The following EIF1B variants were observed in gnomAD, a reference collection of about 807,000 sequenced individuals.
The protein encoded by EIF1B is eukaryotic translation initiation factor 1B.
In EIF1B, 5 loss-of-function variants were observed where a neutral mutation model predicts 14.8. That is an observed-to-expected ratio of 0.34 (90% CI 0.18 to 0.71). EIF1B has a LOEUF of 0.71. Ranked by LOEUF, EIF1B falls within the 30% of genes least tolerant of loss-of-function variation. The probability of loss-of-function intolerance (pLI) is 0.64; values close to 1 mark genes in which losing one functional copy is unlikely to be tolerated. For synonymous variants in EIF1B, 45 were observed against 45.8 expected (o/e 0.98, Z 0.07); for missense variants, 56 against 134.0 (o/e 0.42, Z 2.87).
At position 40,312,170 on chromosome 3, in the gene EIF1B, G is replaced by T; in HGVS notation, c.*156G>T. ...TCTGCATGATTACAGAAAACATGGG[G>T]TATGTAGACTAGTAACACATAAGAA... On this transcript the variant is annotated 3_prime_UTR_variant, in exon 4 of 4. Transcript: ENST00000232905. 1 of 621,498 alleles carries T rather than the reference G, an allele frequency of 1.6e-6. No individual in the cohort carries two copies. 38.5% of individuals were successfully genotyped at this position (621,498 alleles called of 1,614,324 possible). A position where few individuals can be genotyped will look rare whatever the true frequency, so the allele number is the denominator to read the frequency against.
At position 40,309,827 on chromosome 3, in the gene EIF1B, G is replaced by A. The variant is rs2125569215; in HGVS notation, c.-115G>A. ...CACTCCAGCCTAATCCCAACCCCAG[G>A]GCGAAGCGTTTTCTTATTTATTTCC... is the stretch of plus-strand genomic sequence containing the variant. On this transcript the variant is annotated 5_prime_UTR_variant, in exon 1 of 4. Transcript: ENST00000232905. The A allele has an allele frequency of 2.3e-6, 3 of 1,319,148 alleles. No homozygotes were observed. The highest frequency in any genetic ancestry group is 2.3e-5 in the East Asian group (1 of 43,076). 81.7% of individuals were successfully genotyped at this position (1,319,148 alleles called of 1,614,324 possible).
At position 40,309,834 on chromosome 3, in the gene EIF1B, C is replaced by G. The variant is rs547490199; in HGVS notation, c.-108C>G. On this transcript the variant is annotated 5_prime_UTR_variant, in exon 1 of 4. Coordinates refer to ENST00000232905, the MANE Select transcript of EIF1B (RefSeq NM_005875.3). ...GCCTAATCCCAACCCCAGGGCGAAG[C>G]GTTTTCTTATTTATTTCCGTTTTCT... is the stretch of plus-strand genomic sequence containing the variant. The G allele has an allele frequency of 2.6e-5, 35 of 1,357,042 alleles. No homozygotes were observed. In the East Asian group the frequency reaches 7.9e-4, roughly 30 times the overall value. The allele number at this position is 1,357,042 out of a possible 1,614,324, so 84.1% of individuals were successfully genotyped here. A position where few individuals can be genotyped will look rare whatever the true frequency, so the allele number is the denominator to read the frequency against.
At position 40,312,399 on chromosome 3, in the gene EIF1B, T is replaced by C; in HGVS notation, c.*385T>C. ...AATTATGCTCCCAAATCTAAGCAAGTAAAATACACATTTTGTCTTTCTTAA... is the reference window on the plus strand; with the variant it reads ...AATTATGCTCCCAAATCTAAGCAAGCAAAATACACATTTTGTCTTTCTTAA... On this transcript the variant is annotated 3_prime_UTR_variant, in exon 4 of 4. Coordinates refer to ENST00000232905, the MANE Select transcript of EIF1B (RefSeq NM_005875.3). 1 of 180,384 alleles carries C rather than the reference T, an allele frequency of 5.5e-6. No homozygotes were observed. Among genetic ancestry groups the C allele is most frequent in the Non-Finnish European group, 1.1e-5 (1 of 87,152 alleles). 11.2% of individuals were successfully genotyped at this position (180,384 alleles called of 1,614,324 possible).
chr3:40,311,647 T>C, intron 3 of EIF1B, 76 bp downstream of exon 3: 1 of 1,193,512 alleles, frequency 8.4e-7, no homozygotes, highest in Non-Finnish European at 1.2e-6. Context: ...TGATTTGTTT[T>C]CTACTAAGTA....
At chr3:40,311,082 A>G in intron 2 of EIF1B, 26 bp downstream of exon 2, 1 of 1,609,344 alleles carries the variant, frequency 6.2e-7, no homozygotes, top group Non-Finnish European at 8.5e-7. Context: ...AGAAAGGATT[A>G]GAGTTACTGA....
intron 1 of EIF1B, 70 bp downstream of exon 1, chr3:40,310,042 C>T: frequency 6.3e-7 from 1 of 1,598,090 alleles, no homozygotes; most frequent in Non-Finnish European, 8.6e-7. Context: ...CGCCTGGCCA[C>T]CGCCCCTAGG....
chr3:40,309,997 C>A (rs1310073010), intron 1 of EIF1B, 25 bp downstream of exon 1: 1 of 1,613,170 alleles, frequency 6.2e-7, no homozygotes, highest in Non-Finnish European at 8.5e-7. Context: ...CCGCCGCCTC[C>A]CTCCCTTGCC....
chr3:40,311,154 G>C (rs79109389), intron 2 of EIF1B, 98 bp downstream of exon 2: 4 of 1,144,676 alleles, frequency 3.5e-6, no homozygotes, highest in African/African-American at 3.1e-5. Flanking sequence ...AAAATAACTA[G>C]ACCAAGAAAG....
Position 40,309,914 on chromosome 3 carries a change from C to A in EIF1B, c.-28C>A. ...CGGGCGGGCCCCGCAGGAATTTTAT[C>A]CCCTCACCGGCCTCACACTAGTATC... is the stretch of plus-strand genomic sequence containing the variant. On this transcript the variant is annotated 5_prime_UTR_variant, in exon 1 of 4. Coordinates refer to ENST00000232905, the MANE Select transcript of EIF1B (RefSeq NM_005875.3). 6.2e-7 allele frequency: 1 copy of A among 1,613,598 alleles called. No homozygotes were observed. The highest frequency in any genetic ancestry group is 8.5e-7 in the Non-Finnish European group (1 of 1,179,664).
At chr3:40,310,074 G>T (rs1247101474) in intron 1 of EIF1B, 102 bp downstream of exon 1, 2 of 1,489,628 alleles carry the variant, frequency 1.3e-6, no homozygotes, top group East Asian at 2.3e-5. Context: ...TGCCCTTCCC[G>T]CACCCCTAGT....
chr3:40,311,916 A>C lies in EIF1B; in HGVS notation c.298-54A>C, dbSNP rs1211229714. The C allele has an allele frequency of 2.3e-6, 3 of 1,309,540 alleles. No individual in the cohort carries two copies. The African/African-American group carries it at 4.7e-5, about 21-fold the overall frequency. The allele number at this position is 1,309,540 out of a possible 1,614,324, so 81.1% of individuals were successfully genotyped here. ...TTAATTACTCTTCCATGTTTTCTTA[A>C]TGAATTTTTATATTTCTCAGAGTTA... On this transcript the variant is annotated intron_variant, in intron 3 of 3. Coordinates refer to ENST00000232905, the MANE Select transcript of EIF1B (RefSeq NM_005875.3).
chr3:40,309,951 A>C lies in EIF1B; in HGVS notation c.10A>C (p.Ile4Leu), dbSNP rs1167320925. Residue 4 changes from isoleucine (I) to leucine (L), a missense_variant, in exon 1 of 4, where the codon ATC becomes CTC. This residue lies in a region of EIF1B where 20 missense variants were observed against 29.2 expected (regional missense o/e 0.69). Transcript: ENST00000232905. MST[I>L]QNLQSFDPFA... is the part of the protein sequence containing the mutation. ...CTCACACTAGTATCGCATGTCCACT[A>C]TCCAGAACCTCCAATCTTTCGGTAA... 2 of 1,613,790 alleles carry C rather than the reference A, an allele frequency of 1.2e-6. No individual in the cohort carries two copies. The highest frequency in any genetic ancestry group is 8.5e-7 in the Non-Finnish European group (1 of 1,179,964).
At chr3:40,310,712 GTATCTTGGGGGTTT>G in intron 1 of EIF1B, 167 bp from the exon 2 acceptor site, 1 of 526,964 alleles carries the variant, frequency 1.9e-6, no homozygotes. Context: ...TTTTGTGAGA[GTATCTTGGGGGTTT>G]TATTAATACT....
intron 2 of EIF1B, 126 bp from the exon 3 acceptor site, chr3:40,311,344 T>A: frequency 1.5e-6 from 1 of 676,050 alleles, no homozygotes; most frequent in Non-Finnish European, 2.4e-6. Context: ...TTGTGGATTA[T>A]AGGAGACAAA....
At chr3:40,311,163 AGTT>A (rs1350740472) in intron 2 of EIF1B, 107 bp downstream of exon 2, 3 of 1,064,708 alleles carry the variant, frequency 2.8e-6, no homozygotes, top group Non-Finnish European at 4.0e-6. Flanking sequence ...AGACCAAGAA[AGTT>A]GTTCTCATTT....
Position 40,311,863 on chromosome 3 carries a change from T to C in EIF1B, c.298-107T>C. ...CAGTGCATGCCACAGACAACAGTGT[T>C]GCAGTAAGCTGTTGATAGTGATTCT... is the stretch of plus-strand genomic sequence containing the variant. On this transcript the variant is annotated intron_variant, in intron 3 of 3. Coordinates refer to ENST00000232905, the MANE Select transcript of EIF1B (RefSeq NM_005875.3). 4.6e-6 allele frequency: 4 copies of C among 869,900 alleles called. No individual in the cohort carries two copies. In the South Asian group the frequency reaches 5.6e-5, roughly 12 times the overall value. The allele number at this position is 869,900 out of a possible 1,614,324, so 53.9% of individuals were successfully genotyped here.
chr3:40,309,763 C>T lies in EIF1B; in HGVS notation c.-179C>T, dbSNP rs531458294. 4 of 672,318 alleles carry T rather than the reference C, an allele frequency of 5.9e-6. No individual in the cohort carries two copies. Among genetic ancestry groups the T allele is most frequent in the African/African-American group, 3.6e-5 (2 of 55,552 alleles). 41.6% of individuals were successfully genotyped at this position (672,318 alleles called of 1,614,324 possible). A position where few individuals can be genotyped will look rare whatever the true frequency, so the allele number is the denominator to read the frequency against. On this transcript the variant is annotated 5_prime_UTR_variant, in exon 1 of 4. Coordinates refer to ENST00000232905, the MANE Select transcript of EIF1B (RefSeq NM_005875.3). ...CCCTCGCCTCTTCCTCCGCCTCCTC[C>T]TTCGCCTCTTCCTGCCTCCTCCCGG... is the stretch of plus-strand genomic sequence containing the variant.
chr3:40,309,790 T>TTCCGCCGCCGCCACTCCAGCCTAA lies in EIF1B; in HGVS notation c.-148_-125dup. ...TCGCCTCTTCCTGCCTCCTCCCGGC[T>TTCCGCCGCCGCCACTCCAGCCTAA]TCCGCCGCCGCCACTCCAGCCTAAT... On this transcript the variant is annotated 5_prime_UTR_variant, in exon 1 of 4. Coordinates refer to ENST00000232905, the MANE Select transcript of EIF1B (RefSeq NM_005875.3). 1 of 877,012 alleles carries TTCCGCCGCCGCCACTCCAGCCTAA rather than the reference T, an allele frequency of 1.1e-6. No homozygotes were observed. Among genetic ancestry groups the TTCCGCCGCCGCCACTCCAGCCTAA allele is most frequent in the Non-Finnish European group, 1.8e-6 (1 of 563,160 alleles). 54.3% of individuals were successfully genotyped at this position (877,012 alleles called of 1,614,324 possible).
chr3:40,312,105 G>C lies in EIF1B; in HGVS notation c.*91G>C. ...TGTGAAATGATTCCCTGCAGTAAACGGACTTTTCATTTATTTAATCATTCA... is the reference window on the plus strand; with the variant it reads ...TGTGAAATGATTCCCTGCAGTAAACCGACTTTTCATTTATTTAATCATTCA... On this transcript the variant is annotated 3_prime_UTR_variant, in exon 4 of 4. Coordinates refer to ENST00000232905, the MANE Select transcript of EIF1B (RefSeq NM_005875.3). 1.1e-6 allele frequency: 1 copy of C among 892,346 alleles called. No individual in the cohort carries two copies. The highest frequency in any genetic ancestry group is 1.4e-5 in the South Asian group (1 of 70,862). 55.3% of individuals were successfully genotyped at this position (892,346 alleles called of 1,614,324 possible).
Sources: allele counts gnomAD v4.1 joint callset, GRCh38; gene constraint gnomAD v4.1.1; regional missense constraint gnomAD v4.1.1; transcripts MANE v1.5; gene names NCBI Gene and HGNC (gene_info 2026-07-23, HGNC 2026-07-21).